The following ITM2C variants were observed in gnomAD, a reference collection of about 807,000 sequenced individuals.
The protein encoded by ITM2C is integral membrane protein 2C.
In ITM2C, 20 loss-of-function variants were observed where a neutral mutation model predicts 30.0. The observed-to-expected ratio is 0.67, with a 90% CI of 0.47 to 0.97. The LOEUF (loss-of-function observed/expected upper bound fraction) is 0.97. Among genes scored for constraint, ITM2C ranks in the 50% least tolerant of loss-of-function variants. ITM2C has a pLI of 0.00. For synonymous variants in ITM2C, 167 were observed against 156.4 expected (o/e 1.07, Z -0.51); for missense variants, 366 against 371.9 (o/e 0.98, Z 0.13).
Position 230,865,222 on chromosome 2 carries a change from G to C in ITM2C, c.120+77G>C, listed in dbSNP as rs1054825569. 12 of 1,286,966 alleles carry C rather than the reference G, an allele frequency of 9.3e-6. No homozygotes were observed. The South Asian group carries it at 2.7e-4, about 29-fold the overall frequency. The allele number at this position is 1,286,966 out of a possible 1,614,324, so 79.7% of individuals were successfully genotyped here. A position where few individuals can be genotyped will look rare whatever the true frequency, so the allele number is the denominator to read the frequency against. On this transcript the variant is annotated intron_variant, in intron 1 of 5. Transcript: ENST00000326427. This position sits in a 1 kb window ranked among gnomAD's most constrained non-coding sequence, Gnocchi z 6.8. ...CCAGGCGCGCCCCGTCGGCCCTGGG[G>C]ACTGCCCGAGGCGCGTCAGGGCCCC...
At chr2:230,867,347 C>T (rs181094748) in intron 1 of ITM2C, among the ~76,000 whole-genome samples, 1 of 152,336 alleles carries the variant, frequency 6.6e-6, no homozygotes, top group African/African-American at 2.4e-5. Flanking sequence ...TTCTGCGGGC[C>T]TCCTGTTGCC....
rs779216354 is a variant in ITM2C, at chr2:230,877,442, ATGG to A, written c.609_611del (p.Val204del). On this transcript the variant is annotated inframe_deletion, in exon 5 of 6. Transcript: ENST00000326427. This position sits in a 1 kb window ranked among gnomAD's most constrained non-coding sequence, Gnocchi z 4.8. ...GCAGACGTACATCATCCAGGAGGAG[ATGG>A]TGGTCACGGAGCATGTCAGTGACAA... is the stretch of plus-strand genomic sequence containing the variant. 1 of 1,614,034 alleles carries A rather than the reference ATGG, an allele frequency of 6.2e-7. No individual in the cohort carries two copies. The highest frequency in any genetic ancestry group is 1.7e-5 in the Admixed American group (1 of 60,014).
Position 230,878,024 on chromosome 2 carries a change from G to C in ITM2C, c.729G>C (p.Gly243=). 1 of 1,612,506 alleles carries C rather than the reference G, an allele frequency of 6.2e-7. No individual in the cohort carries two copies. The highest frequency in any genetic ancestry group is 8.5e-7 in the Non-Finnish European group (1 of 1,179,242). Residue 243 remains glycine (G), a synonymous_variant, in exon 6 of 6, where the codon GGG becomes GGC. Transcript: ENST00000326427. The surrounding 1 kb of genome is among the most constrained non-coding windows in gnomAD (Gnocchi z 4.5). ...RATRRRINKR[G]AKNCNAIRHF... is the part of the protein sequence containing the mutation. ...TCCTCCCAGGGATCAACAAGCGTGG[G>C]GCCAAGAACTGCAATGCCATCCGCC...
intron 1 of ITM2C, among the ~76,000 whole-genome samples, chr2:230,867,635 ATTTAT>A (rs376731167): frequency 5.2e-4 from 78 of 149,982 alleles, no homozygotes; most frequent in African/African-American, 1.2e-3. Flanking sequence ...CCAAAACAAG[ATTTAT>A]TTTATTTTAT....
In ITM2C at chr2:230,875,821, A is replaced by T; in HGVS notation, c.450+13A>T. The T allele has an allele frequency of 2.4e-5, 7 of 292,192 alleles. No homozygotes were observed. The highest frequency in any genetic ancestry group is 4.1e-5 in the African/African-American group (1 of 24,414). The allele number at this position is 292,192 out of a possible 1,614,324, so 18.1% of individuals were successfully genotyped here. A position where few individuals can be genotyped will look rare whatever the true frequency, so the allele number is the denominator to read the frequency against. On this transcript the variant is annotated intron_variant, in intron 3 of 5. Coordinates refer to ENST00000326427, the MANE Select transcript of ITM2C (RefSeq NM_030926.6). ...TGACTTCCAGCGGGTGAGGCTGGCC[A>T]GGGCCTGGGGGTGGGGGGTGGGAGG...
rs1559153349 is a variant in ITM2C, at chr2:230,865,003, CG to C, written c.-21del. 1 of 1,455,198 alleles carries C rather than the reference CG, an allele frequency of 6.9e-7. No homozygotes were observed. The highest frequency in any genetic ancestry group is 1.4e-5 in the South Asian group (1 of 72,450). 90.1% of individuals were successfully genotyped at this position (1,455,198 alleles called of 1,614,324 possible). A position where few individuals can be genotyped will look rare whatever the true frequency, so the allele number is the denominator to read the frequency against. ...GGCTGCACCGGCAGAGGCTGCGGGG[CG>C]GACGCGCGGGCCGGCGCAGCCATGG... On this transcript the variant is annotated 5_prime_UTR_variant, in exon 1 of 6. Coordinates refer to ENST00000326427, the MANE Select transcript of ITM2C (RefSeq NM_030926.6). This position sits in a 1 kb window ranked among gnomAD's most constrained non-coding sequence, Gnocchi z 6.8.
rs1697012320 is a variant in ITM2C at position 230,865,766 on chromosome 2, GCGGC to G, written c.120+623_120+626del. 6.6e-6 allele frequency: 1 copy of G among 152,460 alleles called. No individual in the cohort carries two copies. The highest frequency in any genetic ancestry group is 2.4e-5 in the African/African-American group (1 of 41,464). The allele number at this position is 152,460 out of a possible 1,614,324, so 9.4% of individuals were successfully genotyped here. On this transcript the variant is annotated intron_variant, in intron 1 of 5. Coordinates refer to ENST00000326427, the MANE Select transcript of ITM2C (RefSeq NM_030926.6). The surrounding 1 kb of genome is among the most constrained non-coding windows in gnomAD (Gnocchi z 6.8). ...GAAATCAGCCAGAACCGACGGCGCT[GCGGC>G]CTCTGGACGTCGGGGGTCCGAGGCC...
At position 230,868,461 on chromosome 2, in the gene ITM2C, A is replaced by ATT. The variant is rs1366490496; in HGVS notation, c.120+3316_120+3317insTT. On this transcript the variant is annotated intron_variant, in intron 1 of 5. Coordinates refer to ENST00000326427, the MANE Select transcript of ITM2C (RefSeq NM_030926.6). ...CTCCCCACACCCTGCCTGTGCCTGC[A>ATT]CTCACACACACACACACACACACTT... is the stretch of plus-strand genomic sequence containing the variant. 1.3e-3 allele frequency among the ~76,000 whole-genome samples: 140 copies of ATT among 108,584 alleles called. 1 individual carries two copies. Among genetic ancestry groups the ATT allele is most frequent in the African/African-American group, 4.8e-3 (93 of 19,282 alleles). 71.2% of individuals were successfully genotyped at this position (108,584 alleles called of 152,430 possible).
Position 230,865,101 on chromosome 2 carries a change from C to A in ITM2C, c.76C>A (p.Pro26Thr). The A allele has an allele frequency of 6.6e-7, 1 of 1,514,666 alleles. No homozygotes were observed. The highest frequency in any genetic ancestry group is 2.7e-5 in the East Asian group (1 of 37,530). 93.8% of individuals were successfully genotyped at this position (1,514,666 alleles called of 1,614,324 possible). ...GGCTGACAAGGCGTCGGCGTCGGCC[C>A]CTGCGCCGGCCTCGGCCACCGAGAT... is the stretch of plus-strand genomic sequence containing the variant. ...DKADKASASAPAPASATEILL... is the reference protein window; with the variant it reads ...DKADKASASATAPASATEILL... Residue 26 changes from proline (P) to threonine (T), a missense_variant, in exon 1 of 6, where the codon CCT becomes ACT. By Grantham distance (38) the Pro-to-Thr change is conservative (BLOSUM62 -1). Coordinates refer to ENST00000326427, the MANE Select transcript of ITM2C (RefSeq NM_030926.6). The surrounding 1 kb of genome is among the most constrained non-coding windows in gnomAD (Gnocchi z 6.8).
At chr2:230,871,450 T>C (rs1014819176) in intron 1 of ITM2C, among the ~76,000 whole-genome samples, 1 of 152,202 alleles carries the variant, frequency 6.6e-6, no homozygotes, top group African/African-American at 2.4e-5. Flanking sequence ...ACCAAAGCCA[T>C]TTAGTCCCAA....
upstream of ITM2C, chr2:230,864,848 G>C: frequency 1.4e-6 from 1 of 730,798 alleles, no homozygotes; most frequent in South Asian, 7.0e-5. This position sits in a 1 kb window ranked among gnomAD's most constrained non-coding sequence, Gnocchi z 4.3. Context: ...GGGCGCAGGC[G>C]CGGCGGGCGC....
chr2:230,873,507 G>A lies in ITM2C; in HGVS notation c.211G>A (p.Gly71Ser). 5.0e-6 allele frequency: 8 copies of A among 1,611,066 alleles called. No homozygotes were observed. Among genetic ancestry groups the A allele is most frequent in the Non-Finnish European group, 4.2e-6 (5 of 1,178,734 alleles). Reference protein sequence around the residue: ...LSMGMVVLLMGLVFASVYIYR... With the variant: ...LSMGMVVLLMSLVFASVYIYR... ...GATGGGCATGGTCGTGCTGCTCATG[G>A]GCCTCGTGTTCGCCTCTGTCTACAT... The change falls in exon 2 of 6, where the codon GGC (glycine) becomes AGC (serine). Residue 71 changes from glycine to serine, a missense_variant. Gly to Ser is a moderately conservative substitution (Grantham distance 56). Coordinates refer to ENST00000326427, the MANE Select transcript of ITM2C (RefSeq NM_030926.6).
chr2:230,871,513 C>T (rs1414250776), intron 1 of ITM2C, among the ~76,000 whole-genome samples: 1 of 152,240 alleles, frequency 6.6e-6, no homozygotes, highest in African/African-American at 2.4e-5. Flanking sequence ...TGGCCATGCC[C>T]GTCACTTGCT....
At chr2:230,870,868 C>CTT (rs1315627486) in intron 1 of ITM2C, among the ~76,000 whole-genome samples, 5 of 148,628 alleles carry the variant, frequency 3.4e-5, no homozygotes, top group East Asian at 1.9e-4. Flanking sequence ...AGCGCTTTGA[C>CTT]TTTTTTTTTT....
At chr2:230,869,477 T>G (rs2125016183) in intron 1 of ITM2C, among the ~76,000 whole-genome samples, 1 of 152,086 alleles carries the variant, frequency 6.6e-6, no homozygotes, top group East Asian at 1.9e-4. Context: ...CTGGCCTCTG[T>G]GGTCTGGAGC....
intron 2 of ITM2C, among the ~76,000 whole-genome samples, 198 bp from the exon 3 acceptor site, chr2:230,875,422 C>T (rs1398937430): frequency 1.3e-5 from 2 of 152,208 alleles, no homozygotes; most frequent in Admixed American, 1.3e-4. Flanking sequence ...CTCATCTCCT[C>T]ACTGGCAGCC....
At chr2:230,873,669 G>A in intron 2 of ITM2C, 112 bp downstream of exon 2, 4 of 1,066,968 alleles carry the variant, frequency 3.7e-6, no homozygotes, top group South Asian at 1.9e-5. Context: ...ATGCCCTCAG[G>A]TGGGAGCGAG....
intron 2 of ITM2C, among the ~76,000 whole-genome samples, chr2:230,874,164 TCA>T (rs1697234109): frequency 1.3e-5 from 2 of 152,156 alleles, no homozygotes; most frequent in Admixed American, 6.5e-5. Flanking sequence ...TACGTACAAC[TCA>T]CAGAGAACCT....
At position 230,879,092 on chromosome 2, in the gene ITM2C, G is replaced by A. The variant is rs1574602365; in HGVS notation, c.*993G>A. 2 of 152,524 alleles carry A rather than the reference G, an allele frequency of 1.3e-5. No individual in the cohort carries two copies. The highest frequency in any genetic ancestry group is 4.8e-5 in the African/African-American group (2 of 41,380). 9.4% of individuals were successfully genotyped at this position (152,524 alleles called of 1,614,324 possible). ...TTTTGCATGTTTTTACTGATCATTCGATATGCTAACCGTTCTCAGCCCTGA... is the reference window on the plus strand; with the variant it reads ...TTTTGCATGTTTTTACTGATCATTCAATATGCTAACCGTTCTCAGCCCTGA... On this transcript the variant is annotated 3_prime_UTR_variant, in exon 6 of 6. Transcript: ENST00000326427.
Sources: gnomAD v4.1 joint callset for allele counts (sites outside exome capture counted in the v4.1 genomes callset) on GRCh38, gnomAD v4.1.1 for gene constraint, Gnocchi (gnomAD v3.1) non-coding constraint, MANE v1.5 for transcripts, NCBI Gene and HGNC (gene_info 2026-07-23, HGNC 2026-07-21) for gene names.